VTI1B: variants seen among roughly 807,000 people sequenced by gnomAD.
VTI1B encodes vesicle transport through interaction with t-SNAREs homolog 1B.
In VTI1B, 18 loss-of-function variants were observed where a neutral mutation model predicts 28.6. That is an observed-to-expected ratio of 0.63 (90% CI 0.43 to 0.93). The LOEUF is 0.93. Among genes scored for constraint, VTI1B ranks in the 40% least tolerant of loss-of-function variants. The probability of loss-of-function intolerance (pLI) is 0.00; values close to 1 mark genes in which losing one functional copy is unlikely to be tolerated. For synonymous variants in VTI1B, 100 were observed against 107.9 expected, an observed-to-expected ratio of 0.93 and a Z score of 0.46; for missense variants, 283 against 297.0, an observed-to-expected ratio of 0.95 and a Z score of 0.35.
chr14:67,674,499 C>T lies in VTI1B; in HGVS notation c.-10G>A, dbSNP rs750956029. 6.3e-7 allele frequency: 1 copy of T among 1,585,680 alleles called. No individual in the cohort carries two copies. The highest frequency in any genetic ancestry group is 8.6e-7 in the Non-Finnish European group (1 of 1,167,972). On this transcript the variant is annotated 5_prime_UTR_variant, in exon 1 of 6. Transcript: ENST00000554659. Reference sequence around the variant, plus strand: ...CGGCGGAGGAGGCCATGGCGCAGGCCGCGCTGGAGCAGCGGCCACCGAGAT... The same window carrying T: ...CGGCGGAGGAGGCCATGGCGCAGGCTGCGCTGGAGCAGCGGCCACCGAGAT...
At chr14:67,662,146 ACT>A (rs1454020215) in intron 2 of VTI1B, among the ~76,000 whole-genome samples, 1 of 151,396 alleles carries the variant, frequency 6.6e-6, no homozygotes, top group Admixed American at 6.6e-5. Context: ...ACAGAGCGAG[ACT>A]CTGTCTCAAA....
chr14:67,656,675 G>C (rs1342996371), intron 3 of VTI1B, 86 bp from the exon 4 acceptor site: 13 of 1,427,222 alleles, frequency 9.1e-6, no homozygotes, highest in Middle Eastern at 1.8e-4. Flanking sequence ...CCCCATGTTA[G>C]AAGGGATATA....
chr14:67,648,295 G>C lies in VTI1B; in HGVS notation c.*3090C>G. ...CCACATCATTGCAGAGTTTGTTTTT[G>C]CTTAAACTTTTGTAGCTAAAAATTA... On this transcript the variant is annotated 3_prime_UTR_variant, in exon 6 of 6. Coordinates refer to ENST00000554659, the MANE Select transcript of VTI1B (RefSeq NM_006370.3). The C allele has an allele frequency of 2.3e-6, 3 of 1,280,474 alleles. No homozygotes were observed. The highest frequency in any genetic ancestry group is 3.2e-6 in the Non-Finnish European group (3 of 948,926). 79.3% of individuals were successfully genotyped at this position (1,280,474 alleles called of 1,614,324 possible).
At chr14:67,670,850 C>T (rs148127908) in intron 1 of VTI1B, among the ~76,000 whole-genome samples, 61 of 152,008 alleles carry the variant, frequency 4.0e-4, no homozygotes, top group African/African-American at 1.4e-3. Context: ...AAGGTAAGAA[C>T]TCTGGAAGTC....
rs749605008 is a variant in VTI1B at position 67,662,433 on chromosome 14, A to G, written c.174+44T>C. 17 of 1,531,288 alleles carry G rather than the reference A, an allele frequency of 1.1e-5. No individual in the cohort carries two copies. In the South Asian group the frequency reaches 1.7e-4, roughly 15 times the overall value. The allele number at this position is 1,531,288 out of a possible 1,614,324, so 94.9% of individuals were successfully genotyped here. A position where few individuals can be genotyped will look rare whatever the true frequency, so the allele number is the denominator to read the frequency against. ...GCTCATAGCATTACTTCTGGAAAAGACCAACACCAGGTAGAAGAAACAAAA... is the reference window on the plus strand; with the variant it reads ...GCTCATAGCATTACTTCTGGAAAAGGCCAACACCAGGTAGAAGAAACAAAA... On this transcript the variant is annotated intron_variant, in intron 2 of 5. Transcript: ENST00000554659.
At chr14:67,654,949 AACC>A (rs976865209) in intron 4 of VTI1B, among the ~76,000 whole-genome samples, 17 of 149,412 alleles carry the variant, frequency 1.1e-4, no homozygotes, top group Middle Eastern at 3.5e-3. Flanking sequence ...GAATGGCATG[AACC>A]TGGGAGGCGG....
At chr14:67,658,032 AGCCACTG>A (rs1420382966) in intron 3 of VTI1B, among the ~76,000 whole-genome samples, 1 of 152,190 alleles carries the variant, frequency 6.6e-6, no homozygotes, top group Non-Finnish European at 1.5e-5. Context: ...TACAGGCGTA[AGCCACTG>A]TGCCCGGCGC....
rs762859411 is a variant in VTI1B at position 67,650,907 on chromosome 14, G to A, written c.*478C>T. On this transcript the variant is annotated 3_prime_UTR_variant, in exon 6 of 6. Coordinates refer to ENST00000554659, the MANE Select transcript of VTI1B (RefSeq NM_006370.3). ...CCAGATGAATCAGAAAATCAAGCAC[G>A]TGTGAGAATTTAGGAGACACTGTGC... The A allele has an allele frequency of 3.4e-5, 55 of 1,613,898 alleles. No individual in the cohort carries two copies. Among genetic ancestry groups the A allele is most frequent in the Admixed American group, 8.3e-5 (5 of 60,000 alleles).
chr14:67,666,598 T>G (rs867623602), intron 1 of VTI1B, among the ~76,000 whole-genome samples: 5 of 152,314 alleles, frequency 3.3e-5, no homozygotes, highest in Middle Eastern at 3.4e-3. Flanking sequence ...CTGAGAGGGA[T>G]CAATAGCAGC....
intron 2 of VTI1B, 37 bp downstream of exon 2, chr14:67,662,440 C>T: frequency 6.3e-7 from 1 of 1,577,768 alleles, no homozygotes; most frequent in Non-Finnish European, 8.7e-7. Flanking sequence ...AAGACCAACA[C>T]CAGGTAGAAG....
chr14:67,650,690 G>A lies in VTI1B; in HGVS notation c.*695C>T. ...GAGAGTAGCAGCAAGGGAACCTGAG[G>A]TTTTGTCACACTTTGTTCTTCCAGG... On this transcript the variant is annotated 3_prime_UTR_variant, in exon 6 of 6. Transcript: ENST00000554659. 1 of 1,611,086 alleles carries A rather than the reference G, an allele frequency of 6.2e-7. No homozygotes were observed.
At chr14:67,671,302 G>A (rs12894707) in intron 1 of VTI1B, among the ~76,000 whole-genome samples, 19,054 of 152,134 alleles carry the variant, frequency 0.13, 1,459 homozygotes, top group South Asian at 0.33. Context: ...GTGGCGGGCA[G>A]ATCACTTGAG....
intron 1 of VTI1B, among the ~76,000 whole-genome samples, chr14:67,674,155 GGAAGGCCATA>G (rs2037503266): frequency 6.6e-6 from 1 of 152,216 alleles, no homozygotes; most frequent in Non-Finnish European, 1.5e-5. Context: ...GAGAAAATGT[GGAAGGCCATA>G]GAAGGATCCC....
chr14:67,651,536 A>G, intron 5 of VTI1B, 55 bp from the exon 6 acceptor site: 2 of 1,595,402 alleles, frequency 1.3e-6, no homozygotes, highest in Non-Finnish European at 1.7e-6. Flanking sequence ...CCTTCCTTCT[A>G]AACATTTTGG....
chr14:67,655,311 A>G (rs2037241495), intron 4 of VTI1B, among the ~76,000 whole-genome samples: 1 of 152,188 alleles, frequency 6.6e-6, no homozygotes, highest in Non-Finnish European at 1.5e-5. Context: ...TGGGTGACAG[A>G]GCAAGACCCT....
At chr14:67,654,886 G>A (rs1035563119) in intron 4 of VTI1B, among the ~76,000 whole-genome samples, 6 of 151,984 alleles carry the variant, frequency 3.9e-5, no homozygotes, top group South Asian at 2.1e-4. Flanking sequence ...AAAATTAGCC[G>A]GGTGTGGTGG....
At chr14:67,652,494 G>C (rs569439580) in intron 5 of VTI1B, 1 of 172,530 alleles carries the variant, frequency 5.8e-6, no homozygotes, top group East Asian at 1.4e-4. Context: ...AGATGCACTG[G>C]AATTCCATTC....
chr14:67,673,399 T>C (rs2037493762), intron 1 of VTI1B, among the ~76,000 whole-genome samples: 1 of 152,192 alleles, frequency 6.6e-6, no homozygotes, highest in African/African-American at 2.4e-5. Context: ...CCTATTCTTT[T>C]ACTCTGATTT....
chr14:67,647,494 C>T lies in VTI1B; in HGVS notation c.*3891G>A, dbSNP rs1188444237. 1 of 157,138 alleles carries T rather than the reference C, an allele frequency of 6.4e-6. No individual in the cohort carries two copies. Among genetic ancestry groups the T allele is most frequent in the Non-Finnish European group, 1.4e-5 (1 of 71,520 alleles). 9.7% of individuals were successfully genotyped at this position (157,138 alleles called of 1,614,324 possible). A position where few individuals can be genotyped will look rare whatever the true frequency, so the allele number is the denominator to read the frequency against. ...ATTGTTATCTGGTAGTATGTCATTT[C>T]ATAAGCTGTTAAGAAACTTAGTTGT... On this transcript the variant is annotated 3_prime_UTR_variant, in exon 6 of 6. Coordinates refer to ENST00000554659, the MANE Select transcript of VTI1B (RefSeq NM_006370.3).
Sources: gnomAD v4.1 joint callset for allele counts (sites outside exome capture counted in the v4.1 genomes callset) on GRCh38, gnomAD v4.1.1 for gene constraint, MANE v1.5 for transcripts, NCBI Gene and HGNC (gene_info 2026-07-23, HGNC 2026-07-21) for gene names.